The following FAM53B variants were observed in gnomAD, a reference collection of about 807,000 sequenced individuals.
FAM53B encodes protein FAM53B.
A neutral mutation model predicts 32.7 loss-of-function variants in FAM53B; 12 were observed. The observed-to-expected ratio is 0.37, with a 90% CI of 0.24 to 0.59. The LOEUF (loss-of-function observed/expected upper bound fraction) is 0.59, where lower values mean the gene tolerates loss of function less well. FAM53B is among the 20% of genes least tolerant of loss of function. The probability of loss-of-function intolerance (pLI) is 0.72; values close to 1 mark genes in which losing one functional copy is unlikely to be tolerated. For missense variants in FAM53B, 477 were observed against 577.7 expected, an observed-to-expected ratio of 0.83 and a Z score of 1.79; for synonymous variants, 234 against 228.7, an observed-to-expected ratio of 1.02 and a Z score of -0.21.
At chr10:124,642,201 C>T (rs899130802) in intron 4 of FAM53B, among the ~76,000 whole-genome samples, 3 of 152,220 alleles carry the variant, frequency 2.0e-5, no homozygotes, top group Admixed American at 6.5e-5. Flanking sequence ...CCCTCAAGAA[C>T]AGTAGCCCTC....
chr10:124,694,397 G>A (rs1307232098), intron 3 of FAM53B, among the ~76,000 whole-genome samples: 3 of 152,200 alleles, frequency 2.0e-5, no homozygotes, highest in South Asian at 2.1e-4. Context: ...TCCCTTCTCC[G>A]GGGCCTCTGC....
intron 1 of FAM53B, among the ~76,000 whole-genome samples, chr10:124,721,718 C>T (rs957057143): frequency 6.6e-6 from 1 of 152,234 alleles, no homozygotes; most frequent in Non-Finnish European, 1.5e-5. Context: ...GAGCGTAAAA[C>T]ATAACCTGCC....
chr10:124,713,052 C>T (rs1355156857), intron 1 of FAM53B, among the ~76,000 whole-genome samples: 1 of 152,174 alleles, frequency 6.6e-6, no homozygotes, highest in African/African-American at 2.4e-5. Flanking sequence ...CAGCAAGACG[C>T]CCCATGCCCA....
intron 4 of FAM53B, among the ~76,000 whole-genome samples, chr10:124,634,732 C>G (rs1282571166): frequency 6.6e-6 from 1 of 152,174 alleles, no homozygotes; most frequent in Non-Finnish European, 1.5e-5. Flanking sequence ...CCCATGGAGA[C>G]AGAACACAGT....
chr10:124,724,732 G>A (rs1429925776), intron 1 of FAM53B, among the ~76,000 whole-genome samples: 1 of 152,184 alleles, frequency 6.6e-6, no homozygotes, highest in Non-Finnish European at 1.5e-5. Context: ...GACCCAAGCA[G>A]CTCGCCCAGA....
intron 3 of FAM53B, among the ~76,000 whole-genome samples, chr10:124,690,170 C>T (rs570284960): frequency 6.6e-6 from 1 of 152,360 alleles, no homozygotes; most frequent in East Asian, 1.9e-4. Flanking sequence ...TTTCACGAAA[C>T]TGTCAATAAA....
chr10:124,742,886 G>A (rs1950207730), intron 1 of FAM53B: 1 of 152,202 alleles, frequency 6.6e-6, no homozygotes, highest in African/African-American at 2.4e-5. Flanking sequence ...GGAAGACTCG[G>A]AGTGTGGCCT....
intron 3 of FAM53B, among the ~76,000 whole-genome samples, chr10:124,692,008 A>C (rs577620969): frequency 6.6e-6 from 1 of 152,314 alleles, no homozygotes; most frequent in Admixed American, 6.5e-5. Flanking sequence ...CTGTGTCGAG[A>C]GCACAAGAAC....
chr10:124,725,397 A>G (rs572385698), intron 1 of FAM53B, among the ~76,000 whole-genome samples: 1 of 146,974 alleles, frequency 6.8e-6, no homozygotes, highest in Admixed American at 6.7e-5. Context: ...GATTCTGGAC[A>G]TGGTTAAGCA....
At position 124,700,435 on chromosome 10, in the gene FAM53B, G is replaced by A. The variant is rs557831420; in HGVS notation, c.79-4223C>T. ...AAGACACTCAGTGTCTGCACTCTGCGAGCACCCGAGCCCTAGCTGAGGTCT... is the reference window on the plus strand; with the variant it reads ...AAGACACTCAGTGTCTGCACTCTGCAAGCACCCGAGCCCTAGCTGAGGTCT... On this transcript the variant is annotated intron_variant, in intron 2 of 4. Transcript: ENST00000337318. Among the ~76,000 whole-genome samples, 179 of 152,228 alleles carry A rather than the reference G, an allele frequency of 1.2e-3. 1 individual carries two copies. Among genetic ancestry groups the A allele is most frequent in the Non-Finnish European group, 1.8e-3 (121 of 68,012 alleles).
chr10:124,628,533 G>C (rs573740504), intron 4 of FAM53B, among the ~76,000 whole-genome samples: 1 of 152,298 alleles, frequency 6.6e-6, no homozygotes, highest in Admixed American at 6.5e-5. Flanking sequence ...TTCCTCCCCT[G>C]GGAAGCAGAA....
At chr10:124,664,721 C>T (rs944231476) in intron 4 of FAM53B, among the ~76,000 whole-genome samples, 1 of 152,200 alleles carries the variant, frequency 6.6e-6, no homozygotes, top group African/African-American at 2.4e-5. Flanking sequence ...GTCCCGTATT[C>T]CAAAACAATG....
intron 4 of FAM53B, among the ~76,000 whole-genome samples, chr10:124,643,801 G>T (rs1190043436): frequency 6.6e-6 from 1 of 152,248 alleles, no homozygotes; most frequent in Non-Finnish European, 1.5e-5. Flanking sequence ...GCACAGCGGT[G>T]CACGCTGGGC....
chr10:124,729,291 C>A (rs568025517), intron 1 of FAM53B, among the ~76,000 whole-genome samples: 1 of 152,186 alleles, frequency 6.6e-6, no homozygotes, highest in Non-Finnish European at 1.5e-5. Context: ...CCAGGAGTGG[C>A]TGGCTAGAGG....
intron 2 of FAM53B, among the ~76,000 whole-genome samples, chr10:124,702,091 G>A (rs543965515): frequency 2.0e-4 from 31 of 152,244 alleles, no homozygotes; most frequent in African/African-American, 2.6e-4. Context: ...AGACTTTCCC[G>A]CTCTGTGACT....
chr10:124,709,237 G>A (rs1013207981), intron 1 of FAM53B, among the ~76,000 whole-genome samples: 4 of 152,242 alleles, frequency 2.6e-5, no homozygotes, highest in Non-Finnish European at 5.9e-5. Flanking sequence ...TGGTGAAGTA[G>A]GAGGCGGCCA....
At chr10:124,673,657 C>T (rs989405884) in intron 4 of FAM53B, among the ~76,000 whole-genome samples, 1 of 152,182 alleles carries the variant, frequency 6.6e-6, no homozygotes, top group African/African-American at 2.4e-5. Flanking sequence ...ACTGAGGGAC[C>T]TGAACTCTCA....
chr10:124,700,932 G>A (rs1035705232), intron 2 of FAM53B, among the ~76,000 whole-genome samples: 1 of 152,206 alleles, frequency 6.6e-6, no homozygotes, highest in African/African-American at 2.4e-5. Context: ...GCAGTCGAAA[G>A]CAAAAAGGAG....
intron 2 of FAM53B, among the ~76,000 whole-genome samples, chr10:124,696,768 C>T (rs368607229): frequency 6.6e-6 from 1 of 152,170 alleles, no homozygotes; most frequent in Admixed American, 6.5e-5. Context: ...ATCGAGTCCC[C>T]TTGAGGCATT....
Sources: allele counts gnomAD v4.1 joint callset (sites outside exome capture counted in the v4.1 genomes callset), GRCh38; gene constraint gnomAD v4.1.1; transcripts MANE v1.5; gene names NCBI Gene and HGNC (gene_info 2026-07-23, HGNC 2026-07-21).